The following TMEM270 variants were observed in gnomAD, a reference collection of about 807,000 sequenced individuals.
TMEM270 encodes the protein Williams-Beuren syndrome chromosome region 28.
Under a neutral mutation model 29.9 loss-of-function variants are expected in TMEM270, and 30 were observed. That is an observed-to-expected ratio of 1.00 (90% CI 0.75 to 1.36). The LOEUF (loss-of-function observed/expected upper bound fraction) is 1.36, where lower values mean the gene tolerates loss of function less well. Ranked by LOEUF, TMEM270 falls within the 40% of genes most tolerant of loss-of-function variation. TMEM270 has a pLI of 0.00. For missense variants in TMEM270, 313 were observed against 307.1 expected (o/e 1.02, Z -0.14); for synonymous variants, 135 against 139.8 (o/e 0.97, Z 0.24).
chr7:73,861,514 G>A (rs1438660533), intron 1 of TMEM270: 16 of 622,192 alleles, frequency 2.6e-5, no homozygotes, highest in East Asian at 6.5e-5. Flanking sequence ...CAGTGGTGCC[G>A]GCTCAGCTCG....
At position 73,865,640 on chromosome 7, in the gene TMEM270, G is replaced by A; in HGVS notation, c.565G>A (p.Val189Met). 6.2e-7 allele frequency: 1 copy of A among 1,614,168 alleles called. No individual in the cohort carries two copies. The highest frequency in any genetic ancestry group is 1.1e-5 in the South Asian group (1 of 91,090). Residue 189 changes from valine (V) to methionine (M), a missense_variant, in exon 3 of 3, where the codon GTG (valine) becomes ATG (methionine). Transcript: ENST00000320531. ...LVQLRRLYWWVETMTALTSWH... is the reference protein window; with the variant it reads ...LVQLRRLYWWMETMTALTSWH... Reference sequence around the variant, plus strand: ...ACAGCTGAGACGTCTGTATTGGTGGGTGGAGACTATGACTGCCCTCACCTC... The same window carrying A: ...ACAGCTGAGACGTCTGTATTGGTGGATGGAGACTATGACTGCCCTCACCTC...
intron 1 of TMEM270, among the ~76,000 whole-genome samples, chr7:73,863,746 G>A (rs918153563): frequency 6.6e-6 from 1 of 152,022 alleles, no homozygotes; most frequent in Non-Finnish European, 1.5e-5. Context: ...TAGGTCTGTC[G>A]TGAATTATGT....
chr7:73,865,516 C>A, intron 2 of TMEM270, 61 bp from the exon 3 acceptor site: 1 of 1,583,574 alleles, frequency 6.3e-7, no homozygotes, highest in Non-Finnish European at 8.6e-7. Context: ...GGAGCCACAG[C>A]CAAGCAGTGT....
chr7:73,861,075 C>A, upstream of TMEM270: 1 of 918,722 alleles, frequency 1.1e-6, no homozygotes. Flanking sequence ...CGGCAGGAGC[C>A]AGGTAAAGGC....
chr7:73,862,114 T>TC, intron 1 of TMEM270, among the ~76,000 whole-genome samples: 1 of 146,720 alleles, frequency 6.8e-6, no homozygotes, highest in African/African-American at 2.5e-5. Context: ...CTCTCTCTCT[T>TC]TTTTTTTTTT....
intron 1 of TMEM270, 141 bp from the exon 2 acceptor site, chr7:73,864,852 G>T (rs1266558137): frequency 1.4e-6 from 1 of 713,150 alleles, no homozygotes; most frequent in Non-Finnish European, 2.1e-6. Context: ...GCAGTGAGCC[G>T]AGATAGCGCC....
At position 73,865,780 on chromosome 7, in the gene TMEM270, G is replaced by A. The variant is rs1788897788; in HGVS notation, c.705G>A (p.Glu235=). The change falls in exon 3 of 3, where the codon GAG becomes GAA. Residue 235 remains glutamate, a synonymous_variant. Coordinates refer to ENST00000320531, the MANE Select transcript of TMEM270 (RefSeq NM_182504.4). ...AGGCCCAGGAGGTTGAACCCCAGGAGGTCTCAGGGTCTTCCTTGCTGCCCT... is the reference window on the plus strand; with the variant it reads ...AGGCCCAGGAGGTTGAACCCCAGGAAGTCTCAGGGTCTTCCTTGCTGCCCT... ...LAEAQEVEPQ[E]VSGSSLLPSL... is the part of the protein sequence containing the mutation. 2 of 1,613,956 alleles carry A rather than the reference G, an allele frequency of 1.2e-6. No individual in the cohort carries two copies. Among genetic ancestry groups the A allele is most frequent in the Non-Finnish European group, 1.7e-6 (2 of 1,180,034 alleles).
upstream of TMEM270, chr7:73,861,058 A>G: frequency 1.3e-6 from 1 of 788,152 alleles, no homozygotes; most frequent in Non-Finnish European, 2.2e-6. Flanking sequence ...CAGAGGAAGC[A>G]GTGGAGCGGC....
chr7:73,864,114 CAAAAAAAAAAAAA>C, intron 1 of TMEM270, among the ~76,000 whole-genome samples: 1 of 81,010 alleles, frequency 1.2e-5, no homozygotes, highest in Admixed American at 1.6e-4. Context: ...CCCGCCTCTA[CAAAAAAAAAAAAA>C]AAAAAAAAAA....
rs370576158 is a variant in TMEM270, at chr7:73,865,594, C to T, written c.519C>T (p.Cys173=). 5.0e-6 allele frequency: 8 copies of T among 1,613,852 alleles called. No homozygotes were observed. The highest frequency in any genetic ancestry group is 3.3e-5 in the Admixed American group (2 of 60,016). The change falls in exon 3 of 3, where the codon TGC becomes TGT. Residue 173 remains cysteine, a synonymous_variant. Transcript: ENST00000320531. ...RQLSKALQVN[C]VVRKLLVQLR... Reference sequence around the variant, plus strand: ...TGTTCCAGGCCTTGCAAGTGAACTGCGTGGTAAGGAAGCTCCTGGTACAGC... The same window carrying T: ...TGTTCCAGGCCTTGCAAGTGAACTGTGTGGTAAGGAAGCTCCTGGTACAGC...
chr7:73,863,213 T>C (rs986262245), intron 1 of TMEM270, among the ~76,000 whole-genome samples: 1 of 151,860 alleles, frequency 6.6e-6, no homozygotes, highest in African/African-American at 2.4e-5. Flanking sequence ...GACACGGGGA[T>C]GGGGGGTCCA....
chr7:73,864,909 A>AG, intron 1 of TMEM270, 84 bp from the exon 2 acceptor site: 1 of 1,284,610 alleles, frequency 7.8e-7, no homozygotes. Context: ...GTCTCAAAAA[A>AG]AAAAAAAAGA....
chr7:73,861,237 C>A lies in TMEM270; in HGVS notation c.43C>A (p.Leu15Met), dbSNP rs782081186. Residue 15 changes from leucine to methionine, a missense_variant, in exon 1 of 3, where the codon CTG (leucine) becomes ATG (methionine). By Grantham distance (15) the Leu-to-Met change is conservative. Coordinates refer to ENST00000320531, the MANE Select transcript of TMEM270 (RefSeq NM_182504.4). The part of the protein sequence containing the change: ...PPVRSSLLGI[L>M]LQVTRLSVLL... ...AGTCAGATCCAGCCTTTTGGGGATC[C>A]TGTTGCAGGTTACGAGGCTCTCAGT... 1.3e-6 allele frequency: 2 copies of A among 1,598,948 alleles called. No homozygotes were observed. The highest frequency in any genetic ancestry group is 1.7e-5 in the Admixed American group (1 of 59,382).
rs782197258 is a variant in TMEM270 at position 73,865,667 on chromosome 7, T to C, written c.592T>C (p.Trp198Arg). The C allele has an allele frequency of 2.5e-6, 4 of 1,614,024 alleles. No homozygotes were observed. In the African/African-American group the frequency reaches 4.0e-5, roughly 16 times the overall value. The change falls in exon 3 of 3, where the codon TGG becomes CGG. Residue 198 changes from tryptophan (W) to arginine (R), a missense_variant. Transcript: ENST00000320531. ...GGAGACTATGACTGCCCTCACCTCC[T>C]GGCACCTGGCCTATCTCATCACCTG... ...WVETMTALTS[W>R]HLAYLITWTT...
At chr7:73,863,762 C>G (rs949698609) in intron 1 of TMEM270, among the ~76,000 whole-genome samples, 3 of 152,140 alleles carry the variant, frequency 2.0e-5, no homozygotes, top group Non-Finnish European at 2.9e-5. Context: ...TATGTGACCC[C>G]TGCCCCATGT....
At chr7:73,864,141 G>A (rs1554639623) in intron 1 of TMEM270, among the ~76,000 whole-genome samples, 1 of 137,834 alleles carries the variant, frequency 7.3e-6, no homozygotes, top group Non-Finnish European at 1.6e-5. Context: ...AAAAAAATTA[G>A]CTGGACTTAG....
chr7:73,861,095 C>G (rs1421257515), upstream of TMEM270: 1 of 1,206,232 alleles, frequency 8.3e-7, no homozygotes, highest in Non-Finnish European at 1.2e-6. Flanking sequence ...CAGTGGGTCA[C>G]TGGCGGCAAC....
chr7:73,864,258 TAAA>T (rs71519311), intron 1 of TMEM270, among the ~76,000 whole-genome samples: 8 of 131,388 alleles, frequency 6.1e-5, no homozygotes, highest in Admixed American at 7.8e-5. Context: ...CTCCATTTCT[TAAA>T]AAAAAAAAAA....
At position 73,864,986 on chromosome 7, in the gene TMEM270, T is replaced by C; in HGVS notation, c.73-7T>C. 1 of 1,476,368 alleles carries C rather than the reference T, an allele frequency of 6.8e-7. No homozygotes were observed. The highest frequency in any genetic ancestry group is 9.0e-7 in the Non-Finnish European group (1 of 1,110,752). 91.5% of individuals were successfully genotyped at this position (1,476,368 alleles called of 1,614,324 possible). ...GCTGACGGTTGTCTCTCTCTCTTCTTCTGCAGTTGGTTCAGAACCGAGATC... is the reference window on the plus strand; with the variant it reads ...GCTGACGGTTGTCTCTCTCTCTTCTCCTGCAGTTGGTTCAGAACCGAGATC... On this transcript the variant is annotated splice_polypyrimidine_tract_variant and splice_region_variant and intron_variant, in intron 1 of 2. Coordinates refer to ENST00000320531, the MANE Select transcript of TMEM270 (RefSeq NM_182504.4).
Sources: allele counts gnomAD v4.1 joint callset (sites outside exome capture counted in the v4.1 genomes callset), GRCh38; gene constraint gnomAD v4.1.1; transcripts MANE v1.5; gene names NCBI Gene and HGNC (gene_info 2026-07-23, HGNC 2026-07-21).